Variants in DNAH12 observed in about 807,000 individuals in gnomAD.
The protein encoded by DNAH12 is axonemal beta dynein heavy chain 12.
DNAH12 carries 285 observed loss-of-function variants against 371.5 expected under a neutral mutation model. The observed-to-expected ratio is 0.77, with a 90% CI of 0.70 to 0.85. DNAH12 has a LOEUF of 0.85. DNAH12 is among the 40% of genes least tolerant of loss of function. The probability of loss-of-function intolerance (pLI) is 0.00; values close to 1 mark genes in which losing one functional copy is unlikely to be tolerated. For synonymous variants in DNAH12, 1,200 were observed against 1,213.0 expected (o/e 0.99, Z 0.22); for missense variants, 3,611 against 3,689.4 (o/e 0.98, Z 0.55).
intron 9 of DNAH12, among the ~76,000 whole-genome samples, chr3:57,502,780 C>T (rs193295192): frequency 3.9e-5 from 6 of 152,114 alleles, no homozygotes; most frequent in Admixed American, 2.6e-4. Context: ...CTCCTGACCT[C>T]GTGATCCGCC....
At chr3:57,520,974 G>GA (rs2153397464) in intron 4 of DNAH12, among the ~76,000 whole-genome samples, 1 of 146,366 alleles carries the variant, frequency 6.8e-6, no homozygotes, top group South Asian at 2.2e-4. Flanking sequence ...TGAGGCAGGA[G>GA]AATTGCTTGA....
intron 60 of DNAH12, among the ~76,000 whole-genome samples, chr3:57,341,026 C>T (rs782429129): frequency 7.2e-5 from 11 of 152,134 alleles, no homozygotes; most frequent in Non-Finnish European, 1.2e-4. Flanking sequence ...GAATGAAGGA[C>T]AAAAACAACA....
At chr3:57,379,842 CAAAAAAAAAAAA>C (rs1170490495) in intron 51 of DNAH12, among the ~76,000 whole-genome samples, 7 of 22,380 alleles carry the variant, frequency 3.1e-4, no homozygotes, top group Non-Finnish European at 4.7e-4. Flanking sequence ...CTCTGTCTCC[CAAAAAAAAAAAA>C]AAAAAAAAAA....
chr3:57,469,916 C>T (rs2066318846), intron 16 of DNAH12, among the ~76,000 whole-genome samples: 1 of 152,006 alleles, frequency 6.6e-6, no homozygotes, highest in South Asian at 2.1e-4. Context: ...ATCATTTGTA[C>T]CCCAAATATC....
intron 48 of DNAH12, 141 bp downstream of exon 48, chr3:57,385,208 G>A (rs1006746715): frequency 4.6e-5 from 7 of 152,156 alleles, no homozygotes; most frequent in East Asian, 1.9e-4. Context: ...CAGAACCCAC[G>A]TTAGACCCAG....
At chr3:57,359,248 C>G (rs1393520865) in intron 58 of DNAH12, among the ~76,000 whole-genome samples, 2 of 152,036 alleles carry the variant, frequency 1.3e-5, no homozygotes, top group African/African-American at 4.8e-5. Context: ...AATCAAAGAA[C>G]AAGATATTTT....
chr3:57,428,208 G>C (rs6777306), intron 34 of DNAH12: 15,604 of 470,214 alleles, frequency 0.033, 2,267 homozygotes, highest in African/African-American at 0.3. Flanking sequence ...TGGGATTATA[G>C]GAGTGAGCCA....
At chr3:57,457,365 C>G (rs17799410) in intron 22 of DNAH12, among the ~76,000 whole-genome samples, 3,652 of 148,874 alleles carry the variant, frequency 0.025, 66 homozygotes, top group Non-Finnish European at 0.034. Context: ...AGGGGCTTTA[C>G]GTAGGATACC....
In DNAH12 at chr3:57,293,815, C is replaced by T. The variant is rs1271823810; in HGVS notation, c.11849G>A (p.Arg3950His). 7.1e-6 allele frequency: 11 copies of T among 1,549,920 alleles called. No individual in the cohort carries two copies. The highest frequency in any genetic ancestry group is 4.1e-5 in the African/African-American group (3 of 72,744). The change falls in exon 74 of 74, where the codon CGC becomes CAC. Residue 3950 changes from arginine (R) to histidine (H), a missense_variant. Physicochemically the swap from Arg to His is conservative, Grantham distance 29. Transcript: ENST00000495027. ...CAACTGACAAAGCAAAGCAACCCCG[C>T]GCTTGATCCAGTGCCGAGTAGGTTG... Reference protein sequence around the residue: ...TDQPTRHWIKRGVALLCQLDD With the variant: ...TDQPTRHWIKHGVALLCQLDD
Position 57,387,226 on chromosome 3 carries a change from A to G in DNAH12, c.7306-7T>C, listed in dbSNP as rs1357457. ...GAGCATCTTCAGGCCATGACTAAAA[A>G]TAAGAAAAAGAAAAACACTTGAAAT... On this transcript the variant is annotated splice_polypyrimidine_tract_variant and splice_region_variant and intron_variant, in intron 45 of 73. Transcript: ENST00000495027. 0.65 allele frequency: 98,292 copies of G among 151,828 alleles called. 32,611 individuals carry two copies. Among genetic ancestry groups the G allele is most frequent in the Non-Finnish European group, 0.74 (50,429 of 67,912 alleles). The allele number at this position is 151,828 out of a possible 1,614,324, so 9.4% of individuals were successfully genotyped here.
intron 65 of DNAH12, among the ~76,000 whole-genome samples, chr3:57,316,131 CCCTT>C (rs971222254): frequency 8.1e-6 from 1 of 124,160 alleles, no homozygotes; most frequent in African/African-American, 3.3e-5. Context: ...TAACCCCTTC[CCCTT>C]TTTTTTTTTT....
At chr3:57,358,351 T>C (rs2153326100) in intron 58 of DNAH12, among the ~76,000 whole-genome samples, 1 of 152,226 alleles carries the variant, frequency 6.6e-6, no homozygotes, top group East Asian at 1.9e-4. Flanking sequence ...AAGAAACTGG[T>C]CTTCAGATAG....
chr3:57,396,432 C>T (rs1170822540), intron 43 of DNAH12, among the ~76,000 whole-genome samples: 1 of 150,376 alleles, frequency 6.6e-6, no homozygotes, highest in Non-Finnish European at 1.5e-5. Context: ...GAGTCTTGCT[C>T]TGTTGACTGG....
At position 57,323,012 on chromosome 3, in the gene DNAH12, A is replaced by T; in HGVS notation, c.10378T>A (p.Ser3460Thr). Residue 3460 changes from serine (S) to threonine (T), a missense_variant, in exon 64 of 74, where the codon TCA becomes ACA. Transcript: ENST00000495027. ...CTATAAGGAAATAAACATACTTTTG[A>T]AGATGGATAGCTTGTCAGCCAAAGC... ...FRLWLTSYPS[S>T]KFPVTILQNG... 6.4e-7 allele frequency: 1 copy of T among 1,551,912 alleles called. No individual in the cohort carries two copies. Among genetic ancestry groups the T allele is most frequent in the Non-Finnish European group, 8.7e-7 (1 of 1,147,038 alleles).
At chr3:57,437,620 C>T (rs962271607) in intron 29 of DNAH12, among the ~76,000 whole-genome samples, 2 of 152,138 alleles carry the variant, frequency 1.3e-5, no homozygotes, top group African/African-American at 4.8e-5. Flanking sequence ...AGGACTTAGC[C>T]AAAGTAGGAA....
intron 13 of DNAH12, 150 bp from the exon 14 acceptor site, chr3:57,472,821 T>A (rs955294838): frequency 7.5e-6 from 6 of 798,376 alleles, no homozygotes; most frequent in Non-Finnish European, 1.2e-5. Context: ...CCAAACCAGA[T>A]GGGTATTTCA....
At chr3:57,500,815 G>A (rs982649231) in intron 11 of DNAH12, among the ~76,000 whole-genome samples, 1 of 152,056 alleles carries the variant, frequency 6.6e-6, no homozygotes, top group Non-Finnish European at 1.5e-5. Context: ...GAGTACAGTG[G>A]TGCAATCAGA....
intron 25 of DNAH12, among the ~76,000 whole-genome samples, chr3:57,448,863 C>A (rs6789252): frequency 6.8e-6 from 1 of 146,054 alleles, no homozygotes; most frequent in Admixed American, 6.8e-5. Flanking sequence ...ACTCACAAAC[C>A]TTGAGCTAAA....
chr3:57,525,085 C>G (rs563445459), intron 2 of DNAH12, among the ~76,000 whole-genome samples: 2 of 142,708 alleles, frequency 1.4e-5, no homozygotes, highest in South Asian at 2.2e-4. Context: ...GTGTCAAGTA[C>G]GACAGGAATG....
Sources: allele counts gnomAD v4.1 joint callset (sites outside exome capture counted in the v4.1 genomes callset), GRCh38; gene constraint gnomAD v4.1.1; transcripts MANE v1.5; gene names NCBI Gene and HGNC (gene_info 2026-07-23, HGNC 2026-07-21).